The following RASGRF2 variants were observed in gnomAD, a reference collection of about 807,000 sequenced individuals.
RASGRF2 encodes the protein Ras protein specific guanine nucleotide releasing factor 2, also known as ras-specific guanine nucleotide-releasing factor 2.
RASGRF2 carries 76 observed loss-of-function variants against 151.0 expected under a neutral mutation model. That is an observed-to-expected ratio of 0.50 (90% confidence interval 0.42 to 0.61). RASGRF2 has a LOEUF of 0.61. Ranked by LOEUF, RASGRF2 falls within the 20% of genes least tolerant of loss-of-function variation. The pLI is 0.00. For missense variants in RASGRF2, 1,148 were observed against 1,564.6 expected, an observed-to-expected ratio of 0.73 and a Z score of 4.49; for synonymous variants, 504 against 566.5, an observed-to-expected ratio of 0.89 and a Z score of 1.57.
intron 7 of RASGRF2, 109 bp downstream of exon 7, chr5:81,080,898 C>T (rs918589201): frequency 3.1e-6 from 3 of 959,522 alleles, no homozygotes; most frequent in African/African-American, 3.3e-5. Flanking sequence ...GGAATTATGG[C>T]ACAGATGTAC....
intron 15 of RASGRF2, among the ~76,000 whole-genome samples, chr5:81,118,785 G>C (rs1325827889): frequency 2.0e-5 from 3 of 152,050 alleles, no homozygotes; most frequent in African/African-American, 4.8e-5. Flanking sequence ...TTAATATTTT[G>C]CTTATAAATT....
chr5:81,078,845 G>C (rs184198681), intron 5 of RASGRF2, among the ~76,000 whole-genome samples: 1 of 152,346 alleles, frequency 6.6e-6, no homozygotes, highest in East Asian at 1.9e-4. Flanking sequence ...CTGTTGGAAA[G>C]GCTGGGGGAG....
intron 12 of RASGRF2, among the ~76,000 whole-genome samples, chr5:81,102,939 G>T (rs1169295396): frequency 6.6e-6 from 1 of 152,180 alleles, no homozygotes; most frequent in African/African-American, 2.4e-5. Flanking sequence ...TATCATGAGT[G>T]AGACTCAGCA....
chr5:81,075,010 T>C (rs1213458003), intron 5 of RASGRF2, among the ~76,000 whole-genome samples: 1 of 151,894 alleles, frequency 6.6e-6, no homozygotes, highest in Non-Finnish European at 1.5e-5. Flanking sequence ...AGAGAAGGGG[T>C]GTGATGTGAC....
intron 12 of RASGRF2, among the ~76,000 whole-genome samples, chr5:81,100,940 G>A (rs1422420339): frequency 6.6e-6 from 1 of 152,122 alleles, no homozygotes; most frequent in African/African-American, 2.4e-5. Flanking sequence ...TCTTTAAATA[G>A]GTACTGCCTT....
At chr5:81,079,515 C>CA (rs34892686) in intron 5 of RASGRF2, among the ~76,000 whole-genome samples, 81,603 of 151,884 alleles carry the variant, frequency 0.54, 22,277 homozygotes, top group Non-Finnish European at 0.57. Context: ...GAGGAGAAAG[C>CA]AATGATGTTT....
intron 17 of RASGRF2, among the ~76,000 whole-genome samples, chr5:81,157,920 C>A (rs1188318740): frequency 1.3e-5 from 2 of 152,094 alleles, no homozygotes; most frequent in Non-Finnish European, 2.9e-5. Context: ...CACAGCCAAA[C>A]CATATCAGGC....
Position 81,212,396 on chromosome 5 carries a change from A to C in RASGRF2, c.3187A>C (p.Asn1063His), listed in dbSNP as rs748040060. The C allele has an allele frequency of 6.2e-7, 1 of 1,612,080 alleles. No homozygotes were observed. The highest frequency in any genetic ancestry group is 8.5e-7 in the Non-Finnish European group (1 of 1,178,622). The change falls in exon 23 of 27, where the codon AAC becomes CAC. Residue 1063 changes from asparagine (N) to histidine (H), a missense_variant. Transcript: ENST00000265080. ...MSNLVASQIM[N>H]YADVSSRANA... is the part of the protein sequence containing the mutation. ...TAACCTGGTGGCCTCCCAGATAATG[A>C]ACTATGCTGATGTCAGCTCCCGTGC... is the stretch of plus-strand genomic sequence containing the variant.
chr5:80,983,502 AC>A (rs1312172010), intron 1 of RASGRF2, among the ~76,000 whole-genome samples: 2 of 152,108 alleles, frequency 1.3e-5, no homozygotes, highest in African/African-American at 4.8e-5. Flanking sequence ...CAAAGCCACA[AC>A]CCTGGGCAGC....
intron 5 of RASGRF2, among the ~76,000 whole-genome samples, chr5:81,074,370 T>A (rs1751873918): frequency 6.6e-6 from 1 of 152,268 alleles, no homozygotes; most frequent in African/African-American, 2.4e-5. Context: ...ACTTAGAATT[T>A]TAGCTATTTG....
chr5:81,045,946 CAATT>C (rs1431137542), intron 2 of RASGRF2, among the ~76,000 whole-genome samples: 2 of 152,134 alleles, frequency 1.3e-5, no homozygotes, highest in African/African-American at 4.8e-5. Flanking sequence ...TAATAAAACA[CAATT>C]AATTAATTAT....
At chr5:81,208,952 A>C (rs1755572631) in intron 22 of RASGRF2, among the ~76,000 whole-genome samples, 1 of 152,188 alleles carries the variant, frequency 6.6e-6, no homozygotes, top group Non-Finnish European at 1.5e-5. Flanking sequence ...TCCTGACATA[A>C]AAGGTTCACC....
In RASGRF2 at chr5:81,138,535, A is replaced by T. The variant is rs141782771; in HGVS notation, c.2686+11372A>T. Among the ~76,000 whole-genome samples, 385 of 152,190 alleles carry T rather than the reference A, an allele frequency of 2.5e-3. 1 individual carries two copies. Among genetic ancestry groups the T allele is most frequent in the African/African-American group, 8.9e-3 (370 of 41,520 alleles). ...CTCTCCCTGCAAGAGCCATGAAGAG[A>T]TCTTTCTCCGGTGTTTACTGGGAGG... On this transcript the variant is annotated intron_variant, in intron 17 of 26. Transcript: ENST00000265080.
chr5:81,202,244 G>A (rs1418915918), intron 19 of RASGRF2, among the ~76,000 whole-genome samples: 1 of 152,174 alleles, frequency 6.6e-6, no homozygotes, highest in Non-Finnish European at 1.5e-5. Context: ...GGGATGGGAA[G>A]CCCAGCATCT....
At chr5:81,163,328 CA>C (rs1327106837) in intron 17 of RASGRF2, among the ~76,000 whole-genome samples, 1 of 152,094 alleles carries the variant, frequency 6.6e-6, no homozygotes, top group Non-Finnish European at 1.5e-5. Flanking sequence ...CCTCACGCCC[CA>C]AAGTACAGAG....
intron 17 of RASGRF2, among the ~76,000 whole-genome samples, chr5:81,168,602 C>T (rs1488864835): frequency 6.6e-6 from 1 of 152,154 alleles, no homozygotes; most frequent in East Asian, 1.9e-4. Flanking sequence ...TGAGCCACTG[C>T]CCCCAGCACC....
At chr5:81,035,217 G>A (rs1255905879) in intron 1 of RASGRF2, among the ~76,000 whole-genome samples, 2 of 152,086 alleles carry the variant, frequency 1.3e-5, no homozygotes, top group Non-Finnish European at 2.9e-5. Flanking sequence ...CAACCCAAAT[G>A]TCCATCAATG....
Position 81,140,119 on chromosome 5 carries a change from G to C in RASGRF2, c.2686+12956G>C, listed in dbSNP as rs149751174. On this transcript the variant is annotated intron_variant, in intron 17 of 26. Transcript: ENST00000265080. ...GCTGGGATTACAAGTGTTAGCCACT[G>C]TGCCTGGCTGGAACCTGACTTTGAA... 2.6e-3 allele frequency among the ~76,000 whole-genome samples: 390 copies of C among 152,224 alleles called. 4 individuals are homozygous for C. The highest frequency in any genetic ancestry group is 4.7e-3 in the African/African-American group (194 of 41,542).
chr5:81,216,386 A>AAAC (rs1755739879), intron 24 of RASGRF2, among the ~76,000 whole-genome samples: 1 of 114,116 alleles, frequency 8.8e-6, no homozygotes, highest in Non-Finnish European at 1.8e-5. Context: ...CACACACACA[A>AAAC]ACACACACAC....
Sources: allele counts gnomAD v4.1 joint callset (sites outside exome capture counted in the v4.1 genomes callset), GRCh38; gene constraint gnomAD v4.1.1; transcripts MANE v1.5; gene names NCBI Gene and HGNC (gene_info 2026-07-23, HGNC 2026-07-21).